Variants in MGAT5 observed in about 807,000 individuals in gnomAD.
MGAT5 encodes alpha-1,6-mannosylglycoprotein 6-beta-N-acetylglucosaminyltransferase A.
Under a neutral mutation model 94.3 loss-of-function variants are expected in MGAT5, and 30 were observed. The observed-to-expected ratio is 0.32, with a 90% CI of 0.24 to 0.43. The LOEUF is 0.43. Ranked by LOEUF, MGAT5 falls within the 20% of genes least tolerant of loss-of-function variation. MGAT5 has a pLI of 1.00. For missense variants in MGAT5, 691 were observed against 905.5 expected (o/e 0.76, Z 3.04); for synonymous variants, 310 against 322.9 (o/e 0.96, Z 0.43).
chr2:134,221,188 G>A (rs1334880384), intron 1 of MGAT5, among the ~76,000 whole-genome samples: 3 of 152,196 alleles, frequency 2.0e-5, no homozygotes, highest in Non-Finnish European at 2.9e-5. Flanking sequence ...AACATGTGCC[G>A]AAGGTGGTTG....
At chr2:134,434,541 T>C (rs1685064308) in intron 14 of MGAT5, among the ~76,000 whole-genome samples, 1 of 152,224 alleles carries the variant, frequency 6.6e-6, no homozygotes, top group African/African-American at 2.4e-5. Flanking sequence ...GTTAGAATAG[T>C]TTCCTTTTCT....
chr2:134,134,542 A>G (rs1686320323), intron 1 of MGAT5, among the ~76,000 whole-genome samples: 1 of 152,218 alleles, frequency 6.6e-6, no homozygotes, highest in Non-Finnish European at 1.5e-5. Context: ...TGTAAGCCAC[A>G]CAATAAGGCT....
intron 12 of MGAT5, among the ~76,000 whole-genome samples, chr2:134,413,585 C>T (rs71417506): frequency 0.056 from 8,536 of 152,202 alleles, 293 homozygotes; most frequent in East Asian, 0.13. Context: ...GATGAATCAC[C>T]ATTGAGGGTA....
At chr2:134,312,477 T>G (rs1284804921) in intron 2 of MGAT5, among the ~76,000 whole-genome samples, 1 of 152,174 alleles carries the variant, frequency 6.6e-6, no homozygotes, top group East Asian at 1.9e-4. Context: ...GCTCTCCCAC[T>G]GCTTTTTATC....
At chr2:134,435,027 T>C (rs918889673) in intron 14 of MGAT5, among the ~76,000 whole-genome samples, 6 of 152,246 alleles carry the variant, frequency 3.9e-5, no homozygotes, top group African/African-American at 1.4e-4. Flanking sequence ...ATGCCCTGTC[T>C]CAGGGTCTCA....
At chr2:134,123,426 G>T (rs542114672) in intron 1 of MGAT5, among the ~76,000 whole-genome samples, 1 of 152,180 alleles carries the variant, frequency 6.6e-6, no homozygotes. Context: ...TCATCTGTAA[G>T]ATCTGGGTTG....
chr2:134,330,755 A>G (rs760368263), intron 4 of MGAT5, among the ~76,000 whole-genome samples: 2 of 152,266 alleles, frequency 1.3e-5, no homozygotes, highest in African/African-American at 2.4e-5. Context: ...GACTTCTCGT[A>G]TGCATTTCTC....
chr2:134,386,485 T>C (rs1429135695), intron 10 of MGAT5, among the ~76,000 whole-genome samples: 1 of 152,214 alleles, frequency 6.6e-6, no homozygotes, highest in African/African-American at 2.4e-5. Context: ...ACTGCTTTAG[T>C]GGTCTGTTAT....
intron 1 of MGAT5, among the ~76,000 whole-genome samples, chr2:134,143,291 C>T (rs959622328): frequency 2.0e-5 from 3 of 152,166 alleles, no homozygotes; most frequent in African/African-American, 7.2e-5. Context: ...GATGAACATA[C>T]TCAATGCCGC....
chr2:134,313,539 A>C (rs922366819), intron 2 of MGAT5, among the ~76,000 whole-genome samples: 1 of 152,316 alleles, frequency 6.6e-6, no homozygotes, highest in Admixed American at 6.5e-5. Context: ...GTAACGGATT[A>C]AACCGAATCC....
intron 10 of MGAT5, among the ~76,000 whole-genome samples, chr2:134,378,903 A>G (rs1259147748): frequency 1.3e-5 from 2 of 152,216 alleles, no homozygotes; most frequent in Non-Finnish European, 2.9e-5. Flanking sequence ...GGCATGAGCC[A>G]TCGCGCCTGG....
chr2:134,195,265 T>C (rs1370257448), intron 1 of MGAT5, among the ~76,000 whole-genome samples: 1 of 152,218 alleles, frequency 6.6e-6, no homozygotes, highest in Non-Finnish European at 1.5e-5. Context: ...ACTTCAAACC[T>C]TATTAGTCAT....
At chr2:134,278,526 G>C (rs1573685440) in intron 2 of MGAT5, among the ~76,000 whole-genome samples, 1 of 152,166 alleles carries the variant, frequency 6.6e-6, no homozygotes, top group African/African-American at 2.4e-5. Context: ...GGAATTCATG[G>C]TATAGGAGAG....
chr2:134,185,767 C>T (rs749185173), intron 1 of MGAT5, among the ~76,000 whole-genome samples: 4 of 152,156 alleles, frequency 2.6e-5, no homozygotes, highest in Admixed American at 6.5e-5. Flanking sequence ...TGAGTACCAA[C>T]GAGTGGCAAA....
intron 10 of MGAT5, among the ~76,000 whole-genome samples, chr2:134,397,152 C>T (rs1238966291): frequency 6.6e-6 from 1 of 152,086 alleles, no homozygotes; most frequent in African/African-American, 2.4e-5. Flanking sequence ...TTGGGAAGCT[C>T]TTTATATAGG....
intron 1 of MGAT5, among the ~76,000 whole-genome samples, chr2:134,144,927 A>T (rs894587991): frequency 6.6e-6 from 1 of 152,214 alleles, no homozygotes; most frequent in Non-Finnish European, 1.5e-5. Context: ...CAATACGGAC[A>T]GGCATGAGGT....
At chr2:134,171,099 G>A (rs1322923659) in intron 1 of MGAT5, among the ~76,000 whole-genome samples, 1 of 152,092 alleles carries the variant, frequency 6.6e-6, no homozygotes, top group Non-Finnish European at 1.5e-5. Context: ...GACCTCAGGT[G>A]ATCTGCCTGC....
In MGAT5 at chr2:134,279,157, G is replaced by A. The variant is rs535477560; in HGVS notation, c.406+8607G>A. Among the ~76,000 whole-genome samples, 4 of 152,286 alleles carry A rather than the reference G, an allele frequency of 2.6e-5. No homozygotes were observed. In the East Asian group the frequency reaches 7.7e-4, roughly 29 times the overall value. ...ACAACTCCTGCCGGTCAGGCACTGT[G>A]TCCTAGAACCTTTGCCATGACGCTG... On this transcript the variant is annotated intron_variant, in intron 2 of 15. Coordinates refer to ENST00000281923, the MANE Select transcript of MGAT5 (RefSeq NM_002410.5).
At chr2:134,138,184 T>G (rs2104943292) in intron 1 of MGAT5, among the ~76,000 whole-genome samples, 1 of 148,686 alleles carries the variant, frequency 6.7e-6, no homozygotes, top group South Asian at 2.2e-4. Context: ...CTAACATAAT[T>G]TTATTAAGAA....
Sources: gnomAD v4.1 joint callset for allele counts (sites outside exome capture counted in the v4.1 genomes callset) on GRCh38, gnomAD v4.1.1 for gene constraint, MANE v1.5 for transcripts, NCBI Gene and HGNC (gene_info 2026-07-23, HGNC 2026-07-21) for gene names.